The following PLA2G4C variants were observed in gnomAD, a reference collection of about 807,000 sequenced individuals.
The protein encoded by PLA2G4C is phospholipase A2 group IVC.
In PLA2G4C, 64 loss-of-function variants were observed where a neutral mutation model predicts 73.8. The observed-to-expected ratio is 0.87, with a 90% CI of 0.71 to 1.07. The LOEUF is 1.07. Ranked by LOEUF, PLA2G4C falls within the 50% of genes least tolerant of loss-of-function variation. PLA2G4C has a pLI of 0.00. For missense variants in PLA2G4C, 622 were observed against 665.4 expected (o/e 0.93, Z 0.72); for synonymous variants, 254 against 252.1 (o/e 1.01, Z -0.07).
chr19:48,104,705 A>C lies in PLA2G4C; in HGVS notation c.140T>G (p.Leu47Arg). 1 of 1,614,152 alleles carries C rather than the reference A, an allele frequency of 6.2e-7. No individual in the cohort carries two copies. The highest frequency in any genetic ancestry group is 8.5e-7 in the Non-Finnish European group (1 of 1,180,022). Reference sequence around the variant, plus strand: ...AGCCCGCAGTCCTCCGCCTGAGCCCAGCACAGCAACAACTGGGGCCTAGGC... The same window carrying C: ...AGCCCGCAGTCCTCCGCCTGAGCCCCGCACAGCAACAACTGGGGCCTAGGC... ...EADEAPVVAV[L>R]GSGGGLRAHI... The change falls in exon 4 of 17, where the codon CTG becomes CGG. Residue 47 changes from leucine to arginine, a missense_variant. Physicochemically the swap from Leu to Arg is moderately radical, Grantham distance 102. Transcript: ENST00000599921.
chr19:48,090,381 ATGACTTCAGTGT>A lies in PLA2G4C; in HGVS notation c.734_745del (p.Asn245_Val248del), dbSNP rs2031227821. On this transcript the variant is annotated inframe_deletion, in exon 8 of 17. Transcript: ENST00000599921. ...ATACTCACCAAAAATGTATTCCCTAATGACTTCAGTGTTACCAAGAGCACTTCCCCATAAACC... is the reference window on the plus strand; with the variant it reads ...ATACTCACCAAAAATGTATTCCCTAATACCAAGAGCACTTCCCCATAAACC... The A allele has an allele frequency of 6.2e-7, 1 of 1,612,080 alleles. No homozygotes were observed. The highest frequency in any genetic ancestry group is 1.1e-5 in the South Asian group (1 of 91,038).
In PLA2G4C at chr19:48,082,530, G is replaced by A. The variant is rs140297536; in HGVS notation, c.844+2529C>T. Among the ~76,000 whole-genome samples the A allele has an allele frequency of 5.8e-3, 649 of 112,088 alleles. 5 individuals are homozygous for A. Among genetic ancestry groups the A allele is most frequent in the African/African-American group, 0.02 (593 of 29,144 alleles). The allele number at this position is 112,088 out of a possible 152,430, so 73.5% of individuals were successfully genotyped here. ...TTTTTTTTTTTTGAGACACAGTCTC[G>A]ATCTGTTGCCCAGCCTGGAGTATAG... is the stretch of plus-strand genomic sequence containing the variant. On this transcript the variant is annotated intron_variant, in intron 10 of 16. Coordinates refer to ENST00000599921, the MANE Select transcript of PLA2G4C (RefSeq NM_003706.3).
At chr19:48,055,638 A>T (rs1600149380) in intron 14 of PLA2G4C, among the ~76,000 whole-genome samples, 2 of 151,114 alleles carry the variant, frequency 1.3e-5, no homozygotes, top group Admixed American at 1.3e-4. Context: ...CCGTGAAGGT[A>T]CTTTTCTTTT....
intron 14 of PLA2G4C, among the ~76,000 whole-genome samples, chr19:48,060,725 G>T (rs1968137909): frequency 6.6e-6 from 1 of 152,124 alleles, no homozygotes; most frequent in Non-Finnish European, 1.5e-5. Context: ...TATTTCAGCA[G>T]AAATCCTAAG....
chr19:48,075,871 A>G (rs6650750), intron 11 of PLA2G4C, among the ~76,000 whole-genome samples: 3,109 of 152,260 alleles, frequency 0.02, 103 homozygotes, highest in African/African-American at 0.07. Context: ...ATCCCACAAC[A>G]TTAGTTAGCC....
intron 11 of PLA2G4C, among the ~76,000 whole-genome samples, chr19:48,076,088 G>A (rs183408455): frequency 6.6e-6 from 1 of 152,334 alleles, no homozygotes; most frequent in East Asian, 1.9e-4. Context: ...AATCTCTGTT[G>A]TTGCTAAGCC....
chr19:48,057,857 A>C (rs1256216935), intron 14 of PLA2G4C, among the ~76,000 whole-genome samples: 1 of 151,306 alleles, frequency 6.6e-6, no homozygotes, highest in Non-Finnish European at 1.5e-5. Context: ...ATCTTTAGAG[A>C]CAGGATCTTG....
chr19:48,104,514 C>CAA, intron 4 of PLA2G4C, 74 bp downstream of exon 4: 1 of 1,448,294 alleles, frequency 6.9e-7, no homozygotes, highest in Non-Finnish European at 9.6e-7. Flanking sequence ...AAACCACACA[C>CAA]ATTTGGTGTC....
At position 48,092,527 on chromosome 19, in the gene PLA2G4C, T is replaced by C. The variant is rs186103496; in HGVS notation, c.710-2110A>G. On this transcript the variant is annotated intron_variant, in intron 7 of 16. Coordinates refer to ENST00000599921, the MANE Select transcript of PLA2G4C (RefSeq NM_003706.3). ...TCCATGTGTCCATCGATGGATGAATTGATAAGCAAAATGTGGTATATTCGT... is the reference window on the plus strand; with the variant it reads ...TCCATGTGTCCATCGATGGATGAATCGATAAGCAAAATGTGGTATATTCGT... Among the ~76,000 whole-genome samples, 5 of 152,304 alleles carry C rather than the reference T, an allele frequency of 3.3e-5. No homozygotes were observed. The East Asian group carries it at 9.6e-4, about 29-fold the overall frequency.
chr19:48,091,299 C>T (rs2031282017), intron 7 of PLA2G4C, among the ~76,000 whole-genome samples: 1 of 152,112 alleles, frequency 6.6e-6, no homozygotes, highest in Admixed American at 6.5e-5. Context: ...GATTCTCCTG[C>T]TTCAGCCTCC....
At chr19:48,070,871 T>C (rs1968630129) in intron 12 of PLA2G4C, among the ~76,000 whole-genome samples, 2 of 152,174 alleles carry the variant, frequency 1.3e-5, no homozygotes, top group South Asian at 4.1e-4. Flanking sequence ...AACCTGCATG[T>C]CCTGCACATG....
Position 48,072,726 on chromosome 19 carries a change from G to A in PLA2G4C, c.1006+2041C>T, listed in dbSNP as rs1001968009. On this transcript the variant is annotated intron_variant, in intron 12 of 16. Transcript: ENST00000599921. This position sits in a 1 kb window ranked among gnomAD's most constrained non-coding sequence, Gnocchi z 4.4. ...ATTTCATCCAACAGAGATAAAAACA[G>A]GAATTTATGTAACATGAATAAAAGG... 7.2e-5 allele frequency: 11 copies of A among 152,174 alleles called. No individual in the cohort carries two copies. The highest frequency in any genetic ancestry group is 2.2e-4 in the African/African-American group (9 of 41,444). The allele number at this position is 152,174 out of a possible 1,614,324, so 9.4% of individuals were successfully genotyped here. A position where few individuals can be genotyped will look rare whatever the true frequency, so the allele number is the denominator to read the frequency against.
intron 14 of PLA2G4C, among the ~76,000 whole-genome samples, chr19:48,056,589 T>C (rs1967950528): frequency 6.6e-6 from 1 of 150,962 alleles, no homozygotes; most frequent in Non-Finnish European, 1.5e-5. Flanking sequence ...TCCCAGCACT[T>C]TGGGAGGCTG....
Position 48,072,082 on chromosome 19 carries a change from G to T in PLA2G4C, c.1006+2685C>A, listed in dbSNP as rs1385685858. Among the ~76,000 whole-genome samples the T allele has an allele frequency of 6.6e-6, 1 of 152,014 alleles. No individual in the cohort carries two copies. The highest frequency in any genetic ancestry group is 2.4e-5 in the African/African-American group (1 of 41,412). On this transcript the variant is annotated intron_variant, in intron 12 of 16. Coordinates refer to ENST00000599921, the MANE Select transcript of PLA2G4C (RefSeq NM_003706.3). This position sits in a 1 kb window ranked among gnomAD's most constrained non-coding sequence, Gnocchi z 4.4. ...AATCGCTTGAACCCGGGAGGCAGAG[G>T]TTGCAGTGAGCCAAGATTGCACCAC...
rs778711130 is a variant in PLA2G4C, at chr19:48,085,112, C to T, written c.791G>A (p.Gly264Asp). 1.9e-5 allele frequency: 31 copies of T among 1,608,446 alleles called. No individual in the cohort carries two copies. The South Asian group carries it at 3.2e-4, about 17-fold the overall frequency. ...ATTAGCAACAGCCCTTCTCCATAAA[C>T]CTGCCAAGAAAATAGCAATAAAATT... Reference protein sequence around the residue: ...FDQLRNLTLKGLWRRAVANAK... With the variant: ...FDQLRNLTLKDLWRRAVANAK... Residue 264 changes from glycine (G) to aspartate (D), a missense_variant and splice_region_variant, in exon 10 of 17, where the codon GGT (glycine) becomes GAT (aspartate). Physicochemically the swap from Gly to Asp is moderately conservative, Grantham distance 94. Transcript: ENST00000599921.
At chr19:48,054,232 T>G (rs541361699) in intron 15 of PLA2G4C, among the ~76,000 whole-genome samples, 1 of 152,268 alleles carries the variant, frequency 6.6e-6, no homozygotes, top group South Asian at 2.1e-4. Flanking sequence ...GGGAGGTAAT[T>G]GAAGCATGGA....
chr19:48,104,046 G>A (rs1037516981), intron 4 of PLA2G4C: 4 of 153,432 alleles, frequency 2.6e-5, no homozygotes, highest in Non-Finnish European at 4.3e-5. Flanking sequence ...TGGGACCATA[G>A]GCATGCACCA....
chr19:48,061,542 C>G (rs540383635), intron 14 of PLA2G4C: 1 of 160,730 alleles, frequency 6.2e-6, no homozygotes, highest in African/African-American at 2.4e-5. Flanking sequence ...TGGGAAGGTG[C>G]AATATGTACT....
chr19:48,094,337 T>C (rs1568447239), intron 7 of PLA2G4C, among the ~76,000 whole-genome samples: 1 of 152,250 alleles, frequency 6.6e-6, no homozygotes, highest in African/African-American at 2.4e-5. Context: ...TCTCCTTCCC[T>C]GGAGTGCAAA....
Sources: gnomAD v4.1 joint callset for allele counts (sites outside exome capture counted in the v4.1 genomes callset) on GRCh38, gnomAD v4.1.1 for gene constraint, Gnocchi (gnomAD v3.1) non-coding constraint, MANE v1.5 for transcripts, NCBI Gene and HGNC (gene_info 2026-07-23, HGNC 2026-07-21) for gene names.